The following PCCA variants were observed in gnomAD, a reference collection of about 807,000 sequenced individuals.
PCCA encodes propionyl-CoA carboxylase subunit alpha.
Under a neutral mutation model 101.3 loss-of-function variants are expected in PCCA, and 74 were observed. The observed-to-expected ratio is 0.73, with a 90% CI of 0.61 to 0.89. The LOEUF is 0.89. PCCA is among the 40% of genes least tolerant of loss of function. The pLI is 0.00. For synonymous variants in PCCA, 294 were observed against 313.6 expected (o/e 0.94, Z 0.66); for missense variants, 891 against 907.0 (o/e 0.98, Z 0.23).
intron 19 of PCCA, among the ~76,000 whole-genome samples, chr13:100,415,266 G>T (rs989604972): frequency 6.0e-5 from 9 of 150,990 alleles, no homozygotes; most frequent in Non-Finnish European, 1.2e-4. Flanking sequence ...AATTAGCCAG[G>T]CATGATGGCA....
intron 19 of PCCA, among the ~76,000 whole-genome samples, chr13:100,407,627 C>A (rs563519094): frequency 1.3e-5 from 2 of 152,260 alleles, no homozygotes; most frequent in South Asian, 4.1e-4. Flanking sequence ...CATAGAGAAC[C>A]TCTTCTGCAA....
intron 4 of PCCA, among the ~76,000 whole-genome samples, chr13:100,138,701 G>A (rs866740662): frequency 1.8e-4 from 28 of 152,140 alleles, no homozygotes; most frequent in Middle Eastern, 6.8e-3. Flanking sequence ...TTGGGAGGCC[G>A]AAGCGGGTGG....
At chr13:100,391,871 C>T (rs1021773149) in intron 19 of PCCA, among the ~76,000 whole-genome samples, 3 of 152,106 alleles carry the variant, frequency 2.0e-5, no homozygotes, top group Non-Finnish European at 4.4e-5. Flanking sequence ...TATTTGATAT[C>T]TAATCAAATT....
intron 18 of PCCA, among the ~76,000 whole-genome samples, chr13:100,352,330 CA>C (rs1044004488): frequency 1.3e-5 from 2 of 150,916 alleles, no homozygotes; most frequent in African/African-American, 4.9e-5. Context: ...AAGTATCAGA[CA>C]GACATTGTAT....
intron 19 of PCCA, among the ~76,000 whole-genome samples, chr13:100,376,166 TCA>T (rs1249196448): frequency 7.2e-5 from 11 of 152,234 alleles, no homozygotes; most frequent in Non-Finnish European, 1.3e-4. Flanking sequence ...TGACTGGGTA[TCA>T]CTAGCAGAGG....
chr13:100,475,879 T>C (rs1399872280), intron 21 of PCCA, among the ~76,000 whole-genome samples: 1 of 152,214 alleles, frequency 6.6e-6, no homozygotes, highest in Admixed American at 6.5e-5. Flanking sequence ...CTCTATGTAG[T>C]ATTCTGCTTT....
intron 6 of PCCA, among the ~76,000 whole-genome samples, chr13:100,194,279 A>G (rs1272830943): frequency 3.9e-5 from 6 of 152,180 alleles, no homozygotes; most frequent in Non-Finnish European, 8.8e-5. Flanking sequence ...CATTTCAGAA[A>G]ACACGAGGTT....
At chr13:100,239,745 C>A (rs1235774373) in intron 8 of PCCA, among the ~76,000 whole-genome samples, 1 of 152,158 alleles carries the variant, frequency 6.6e-6, no homozygotes. Context: ...GAATCTAAAA[C>A]CTGTCCTTTA....
At chr13:100,365,731 G>A (rs528695819) in intron 18 of PCCA, among the ~76,000 whole-genome samples, 6 of 152,180 alleles carry the variant, frequency 3.9e-5, no homozygotes, top group Non-Finnish European at 8.8e-5. Flanking sequence ...AATATAGGCC[G>A]AGAGCCGGGA....
At chr13:100,096,983 T>G (rs2046829687) in intron 1 of PCCA, among the ~76,000 whole-genome samples, 1 of 151,796 alleles carries the variant, frequency 6.6e-6, no homozygotes, top group South Asian at 2.1e-4. Flanking sequence ...GGTCAAGAGA[T>G]TGAGACCATT....
intron 19 of PCCA, among the ~76,000 whole-genome samples, chr13:100,383,117 A>C (rs964421084): frequency 6.6e-6 from 1 of 152,042 alleles, no homozygotes; most frequent in African/African-American, 2.4e-5. Flanking sequence ...CAGTCCCCCA[A>C]GTAGCTGAGA....
At chr13:100,524,066 C>A (rs769728512) in intron 22 of PCCA, among the ~76,000 whole-genome samples, 2 of 152,288 alleles carry the variant, frequency 1.3e-5, no homozygotes, top group South Asian at 4.1e-4. Context: ...CCTGGTGTAC[C>A]CTACATGTAC....
Position 100,209,396 on chromosome 13 carries a change from T to C in PCCA, c.533T>C (p.Ile178Thr). 1 of 1,613,522 alleles carries C rather than the reference T, an allele frequency of 6.2e-7. No homozygotes were observed. Among genetic ancestry groups the C allele is most frequent in the Non-Finnish European group, 8.5e-7 (1 of 1,179,448 alleles). Reference sequence around the variant, plus strand: ...GCTATTCAAGCCATGGGCGACAAGATTGAAAGCAAATTATTAGCTAAGAAA... The same window carrying C: ...GCTATTCAAGCCATGGGCGACAAGACTGAAAGCAAATTATTAGCTAAGAAA... Reference protein sequence around the residue: ...THAIQAMGDKIESKLLAKKAE... With the variant: ...THAIQAMGDKTESKLLAKKAE... The change falls in exon 7 of 24, where the codon ATT becomes ACT. Residue 178 changes from isoleucine to threonine, a missense_variant. By Grantham distance (89) the Ile-to-Thr change is moderately conservative (BLOSUM62 -1). Coordinates refer to ENST00000376285, the MANE Select transcript of PCCA (RefSeq NM_000282.4).
chr13:100,351,839 C>G lies in PCCA; in HGVS notation c.1643+11580C>G, dbSNP rs2073305419. Among the ~76,000 whole-genome samples the G allele has an allele frequency of 2.6e-5, 4 of 152,224 alleles. No homozygotes were observed. The South Asian group carries it at 8.3e-4, about 32-fold the overall frequency. ...AGAACTACCTAGTCATCTTTTCAGC[C>G]TTATCCCCAATAATATGTTCAATGA... On this transcript the variant is annotated intron_variant, in intron 18 of 23. Transcript: ENST00000376285.
Position 100,477,709 on chromosome 13 carries a change from A to G in PCCA, c.1899+28404A>G, listed in dbSNP as rs1392318684. On this transcript the variant is annotated intron_variant, in intron 21 of 23. Coordinates refer to ENST00000376285, the MANE Select transcript of PCCA (RefSeq NM_000282.4). ...AGTATACGGTAGGGAAATCTCAGGA[A>G]TACTATAAACAAATAAAATGATGGG... Among the ~76,000 whole-genome samples the G allele has an allele frequency of 6.6e-5, 10 of 152,206 alleles. No individual in the cohort carries two copies. In the East Asian group the frequency reaches 1.9e-3, roughly 29 times the overall value.
chr13:100,249,055 T>C (rs2061612870), intron 8 of PCCA, among the ~76,000 whole-genome samples: 1 of 152,140 alleles, frequency 6.6e-6, no homozygotes, highest in Non-Finnish European at 1.5e-5. Context: ...TGCCCGGCTG[T>C]GTCTTTATTC....
In PCCA at chr13:100,273,299, G is replaced by T; in HGVS notation, c.1018G>T (p.Asp340Tyr). ...TGCTGGGACCGTGGAGTTCCTTGTG[G>T]ACTCTAAGAAGAATTTTTATTTCTT... ...SSAGTVEFLV[D>Y]SKKNFYFLEM... is the part of the protein sequence containing the mutation. Residue 340 changes from aspartate to tyrosine, a missense_variant, in exon 12 of 24, where the codon GAC (aspartate) becomes TAC (tyrosine). Physicochemically the swap from Asp to Tyr is radical, Grantham distance 160. Coordinates refer to ENST00000376285, the MANE Select transcript of PCCA (RefSeq NM_000282.4). 6.2e-7 allele frequency: 1 copy of T among 1,612,584 alleles called. No individual in the cohort carries two copies. Among genetic ancestry groups the T allele is most frequent in the Non-Finnish European group, 8.5e-7 (1 of 1,178,636 alleles).
At chr13:100,327,846 T>A (rs2068869903) in intron 16 of PCCA, among the ~76,000 whole-genome samples, 1 of 152,198 alleles carries the variant, frequency 6.6e-6, no homozygotes, top group Non-Finnish European at 1.5e-5. Flanking sequence ...TTTGACTGTG[T>A]TTTTTTACTT....
Position 100,196,137 on chromosome 13 carries a change from A to G in PCCA, c.469-13195A>G, listed in dbSNP as rs2058089135. ...ATAAATTTGAAAAGCTTACCAGGAAAGTACAAAGATATTGAGATTTATAGT... is the reference window on the plus strand; with the variant it reads ...ATAAATTTGAAAAGCTTACCAGGAAGGTACAAAGATATTGAGATTTATAGT... On this transcript the variant is annotated intron_variant, in intron 6 of 23. Coordinates refer to ENST00000376285, the MANE Select transcript of PCCA (RefSeq NM_000282.4). Among the ~76,000 whole-genome samples, 3 of 152,210 alleles carry G rather than the reference A, an allele frequency of 2.0e-5. No individual in the cohort carries two copies. The South Asian group carries it at 6.2e-4, about 32-fold the overall frequency.
Sources: allele counts gnomAD v4.1 joint callset (sites outside exome capture counted in the v4.1 genomes callset), GRCh38; gene constraint gnomAD v4.1.1; transcripts MANE v1.5; gene names NCBI Gene and HGNC (gene_info 2026-07-23, HGNC 2026-07-21).